MUSK: variants seen among roughly 807,000 people sequenced by gnomAD.
The protein encoded by MUSK is muscle associated receptor tyrosine kinase, also known as muscle, skeletal receptor tyrosine-protein kinase.
In MUSK, 55 loss-of-function variants were observed where a neutral mutation model predicts 88.7. The ratio of observed to expected loss-of-function variants is 0.62; its 90% CI spans 0.50 to 0.78. MUSK has a LOEUF of 0.78. MUSK is among the 30% of genes least tolerant of loss of function. The probability of loss-of-function intolerance (pLI) is 0.00; values close to 1 mark genes in which losing one functional copy is unlikely to be tolerated. For missense variants in MUSK, 1,015 were observed against 1,074.3 expected (o/e 0.94, Z 0.77); for synonymous variants, 387 against 391.9 (o/e 0.99, Z 0.15).
intron 1 of MUSK, among the ~76,000 whole-genome samples, chr9:110,677,328 G>C (rs1224086063): frequency 6.6e-6 from 1 of 152,074 alleles, no homozygotes; most frequent in Non-Finnish European, 1.5e-5. Flanking sequence ...TCTGGCTTCC[G>C]CCAAATCTGC....
chr9:110,714,569 G>C (rs2076721205), intron 5 of MUSK, among the ~76,000 whole-genome samples: 1 of 152,196 alleles, frequency 6.6e-6, no homozygotes, highest in African/African-American at 2.4e-5. Flanking sequence ...AACGTAAACA[G>C]TGGCAGTACA....
At chr9:110,704,437 G>T (rs1233168275) in intron 5 of MUSK, among the ~76,000 whole-genome samples, 1 of 152,108 alleles carries the variant, frequency 6.6e-6, no homozygotes, top group East Asian at 1.9e-4. Flanking sequence ...TAGGATGCTT[G>T]ATTATTAGTT....
intron 6 of MUSK, among the ~76,000 whole-genome samples, chr9:110,741,242 A>G (rs922368371): frequency 6.6e-6 from 1 of 152,206 alleles, no homozygotes; most frequent in African/African-American, 2.4e-5. Context: ...CACCTTGTTC[A>G]CCTTAAATAT....
chr9:110,682,983 A>G (rs1169059831), intron 2 of MUSK, among the ~76,000 whole-genome samples, 183 bp downstream of exon 2: 1 of 152,026 alleles, frequency 6.6e-6, no homozygotes, highest in Non-Finnish European at 1.5e-5. Context: ...CAAACAATCC[A>G]ATTACACACT....
intron 8 of MUSK, among the ~76,000 whole-genome samples, chr9:110,764,573 T>C (rs556607922): frequency 1.5e-4 from 22 of 151,366 alleles, no homozygotes; most frequent in African/African-American, 5.1e-4. Flanking sequence ...AATTCAGATA[T>C]ATATAAATTT....
intron 5 of MUSK, among the ~76,000 whole-genome samples, chr9:110,702,747 G>C (rs9969772): frequency 0.026 from 4,022 of 152,100 alleles, 190 homozygotes; most frequent in African/African-American, 0.092. Context: ...ATAAAAATTA[G>C]CCAGGTGTGG....
intron 1 of MUSK, among the ~76,000 whole-genome samples, chr9:110,676,790 A>G (rs975877176): frequency 6.6e-6 from 1 of 152,026 alleles, no homozygotes; most frequent in Non-Finnish European, 1.5e-5. Context: ...TTCTTTATCC[A>G]GTCTATCATT....
At position 110,787,857 on chromosome 9, in the gene MUSK, G is replaced by C; in HGVS notation, c.1927+19G>C. ...CTATTAGGTATGAAAATACAAGTGA[G>C]GATATGTATTTCATCAGAAAACAGA... On this transcript the variant is annotated intron_variant, in intron 14 of 14. Coordinates refer to ENST00000374448, the MANE Select transcript of MUSK (RefSeq NM_005592.4). 6.2e-7 allele frequency: 1 copy of C among 1,600,958 alleles called. No homozygotes were observed. Among genetic ancestry groups the C allele is most frequent in the Non-Finnish European group, 8.5e-7 (1 of 1,173,056 alleles).
chr9:110,708,380 G>T (rs2076628508), intron 5 of MUSK, among the ~76,000 whole-genome samples: 1 of 152,090 alleles, frequency 6.6e-6, no homozygotes, highest in African/African-American at 2.4e-5. Context: ...CGTGTGCTGT[G>T]CTCTCAGTGA....
intron 7 of MUSK, among the ~76,000 whole-genome samples, chr9:110,755,996 A>G (rs987980236): frequency 7.0e-6 from 1 of 143,394 alleles, no homozygotes; most frequent in African/African-American, 2.6e-5. Flanking sequence ...ATATATATAT[A>G]TGAATTTATT....
chr9:110,672,370 G>A (rs547606994), intron 1 of MUSK, among the ~76,000 whole-genome samples: 18 of 152,134 alleles, frequency 1.2e-4, no homozygotes, highest in Non-Finnish European at 2.4e-4. Context: ...GACCCAGCTG[G>A]GGCTAGGAAC....
chr9:110,727,091 G>A lies in MUSK; in HGVS notation c.629-7160G>A, dbSNP rs10980547. ...GACGACCTCTAAATCTCCTTTTAAC[G>A]ATAAATATATTCAATTCAGAAGTTT... is the stretch of plus-strand genomic sequence containing the variant. On this transcript the variant is annotated intron_variant, in intron 5 of 14. Transcript: ENST00000374448. Among the ~76,000 whole-genome samples the A allele has an allele frequency of 1.2e-3, 190 of 152,138 alleles. 1 individual carries two copies. In the East Asian group the frequency reaches 0.033, roughly 26 times the overall value.
At chr9:110,717,701 G>C (rs1402345873) in intron 5 of MUSK, among the ~76,000 whole-genome samples, 1 of 149,798 alleles carries the variant, frequency 6.7e-6, no homozygotes, top group East Asian at 1.9e-4. Context: ...ATTTTACCCT[G>C]ATCATTCAGG....
At chr9:110,692,145 G>T (rs141047887) in intron 3 of MUSK, among the ~76,000 whole-genome samples, 85 of 151,328 alleles carry the variant, frequency 5.6e-4, no homozygotes, top group African/African-American at 1.9e-3. Context: ...TGTTTGTTTG[G>T]TTGGTTGGTT....
chr9:110,726,756 G>A (rs576965498), intron 5 of MUSK, among the ~76,000 whole-genome samples: 29 of 152,048 alleles, frequency 1.9e-4, no homozygotes, highest in African/African-American at 6.0e-4. Flanking sequence ...TTTTTGTTTT[G>A]TTTTGTTTTG....
intron 2 of MUSK, among the ~76,000 whole-genome samples, chr9:110,684,710 C>A (rs961643870): frequency 3.3e-5 from 5 of 151,668 alleles, no homozygotes; most frequent in African/African-American, 1.2e-4. Context: ...TGATTAATTC[C>A]TAGCTATTTA....
At chr9:110,800,145 G>T (rs545138715) in intron 14 of MUSK, among the ~76,000 whole-genome samples, 161 bp from the exon 15 acceptor site, 2 of 152,142 alleles carry the variant, frequency 1.3e-5, no homozygotes, top group Non-Finnish European at 2.9e-5. Context: ...CTCCTTTTGT[G>T]TTGTGATTAA....
At chr9:110,729,628 T>G (rs1398954284) in intron 5 of MUSK, among the ~76,000 whole-genome samples, 2 of 152,082 alleles carry the variant, frequency 1.3e-5, no homozygotes, top group African/African-American at 4.8e-5. Context: ...GAATTTTTTT[T>G]CTTAATTTAT....
intron 5 of MUSK, among the ~76,000 whole-genome samples, chr9:110,709,859 T>C (rs993112530): frequency 7.9e-5 from 12 of 152,256 alleles, no homozygotes; most frequent in African/African-American, 2.4e-4. Context: ...ATAAAGAAAT[T>C]TGAGACTAGG....
Sources: allele counts gnomAD v4.1 joint callset (sites outside exome capture counted in the v4.1 genomes callset), GRCh38; gene constraint gnomAD v4.1.1; transcripts MANE v1.5; gene names NCBI Gene and HGNC (gene_info 2026-07-23, HGNC 2026-07-21).